TENM3: variants seen among roughly 807,000 people sequenced by gnomAD.
TENM3 encodes teneurin-3.
Under a neutral mutation model 255.1 loss-of-function variants are expected in TENM3, and 63 were observed. That is an observed-to-expected ratio of 0.25 (90% CI 0.20 to 0.30). The LOEUF (loss-of-function observed/expected upper bound fraction) is 0.30, where lower values mean the gene tolerates loss of function less well. Among genes scored for constraint, TENM3 ranks in the 10% least tolerant of loss-of-function variants. The pLI, the probability that TENM3 is intolerant of heterozygous loss-of-function variation, is 1.00. For synonymous variants in TENM3, 1,306 were observed against 1,322.3 expected (o/e 0.99, Z 0.27); for missense variants, 2,929 against 3,461.1 (o/e 0.85, Z 3.86).
At chr4:181,526,006 C>T in the TENM3 span, among the ~76,000 whole-genome samples, 1 of 152,106 alleles carries the variant, frequency 6.6e-6, no homozygotes. Flanking sequence ...GAGAGAAGCA[C>T]GTTTTCTAGA....
chr4:182,750,991 ACAGT>A (rs1762329917), intron 19 of TENM3, among the ~76,000 whole-genome samples: 1 of 152,216 alleles, frequency 6.6e-6, no homozygotes, highest in Non-Finnish European at 1.5e-5. Flanking sequence ...CCCCTCCTTA[ACAGT>A]GTTGGGCTTA....
chr4:181,474,015 G>T, the TENM3 span, among the ~76,000 whole-genome samples: 2 of 151,698 alleles, frequency 1.3e-5, no homozygotes, highest in Non-Finnish European at 2.9e-5. Context: ...AATACATTTT[G>T]CCAGTTAATA....
chr4:181,913,547 G>T, the TENM3 span, among the ~76,000 whole-genome samples: 1 of 152,206 alleles, frequency 6.6e-6, no homozygotes, highest in East Asian at 1.9e-4. Context: ...ATTCCAAATG[G>T]CTATTTTAAA....
intron 13 of TENM3, among the ~76,000 whole-genome samples, chr4:182,715,652 C>G (rs1759097770): frequency 6.6e-6 from 1 of 152,042 alleles, no homozygotes; most frequent in South Asian, 2.1e-4. Context: ...GATTGAATAG[C>G]CTTTGCCTTT....
the TENM3 span, among the ~76,000 whole-genome samples, chr4:181,885,350 C>G: frequency 6.6e-6 from 1 of 152,228 alleles, no homozygotes; most frequent in African/African-American, 2.4e-5. Flanking sequence ...GCAACCTCCT[C>G]CTCCCGGGTT....
At chr4:181,621,590 C>G in the TENM3 span, among the ~76,000 whole-genome samples, 1 of 152,258 alleles carries the variant, frequency 6.6e-6, no homozygotes, top group Middle Eastern at 3.4e-3. Flanking sequence ...GTCGATAACT[C>G]CTTTTACAAT....
intron 3 of TENM3, among the ~76,000 whole-genome samples, chr4:182,474,385 G>A (rs1011991303): frequency 7.1e-5 from 10 of 140,518 alleles, no homozygotes; most frequent in African/African-American, 2.2e-4. Context: ...ATGAGTGAGT[G>A]TAATTCAGCT....
At chr4:182,073,327 A>G in the TENM3 span, among the ~76,000 whole-genome samples, 168 of 152,274 alleles carry the variant, frequency 1.1e-3, no homozygotes, top group South Asian at 1.9e-3. Flanking sequence ...TCCCTCCCAC[A>G]ACATGTGGGG....
At chr4:181,508,511 G>A in the TENM3 span, among the ~76,000 whole-genome samples, 1 of 152,182 alleles carries the variant, frequency 6.6e-6, no homozygotes, top group Non-Finnish European at 1.5e-5. Context: ...GGAAAGAAAT[G>A]AATTATTTAT....
chr4:181,531,597 G>A, the TENM3 span, among the ~76,000 whole-genome samples: 2 of 152,166 alleles, frequency 1.3e-5, no homozygotes, highest in Non-Finnish European at 2.9e-5. Context: ...AAAGCTCTGG[G>A]AATACAGCAA....
At chr4:181,974,840 A>G in the TENM3 span, among the ~76,000 whole-genome samples, 265 of 152,292 alleles carry the variant, frequency 1.7e-3, 1 homozygote, top group Middle Eastern at 6.8e-3. Flanking sequence ...TGGGTATTAC[A>G]TATGTAATGG....
At chr4:181,825,146 T>C in the TENM3 span, among the ~76,000 whole-genome samples, 1 of 152,184 alleles carries the variant, frequency 6.6e-6, no homozygotes, top group African/African-American at 2.4e-5. Flanking sequence ...CTCACGCCGA[T>C]AATCCCAGCA....
chr4:182,404,267 T>C (rs1364791297), intron 3 of TENM3, among the ~76,000 whole-genome samples: 1 of 152,192 alleles, frequency 6.6e-6, no homozygotes, highest in Non-Finnish European at 1.5e-5. Flanking sequence ...GTAACCTAAA[T>C]GTGAAAAATC....
At chr4:181,685,691 T>G in the TENM3 span, among the ~76,000 whole-genome samples, 6 of 152,196 alleles carry the variant, frequency 3.9e-5, no homozygotes, top group African/African-American at 1.4e-4. Flanking sequence ...AAAGGACGGA[T>G]GGGCACCCTG....
At chr4:182,397,619 C>T (rs1580409918) in intron 3 of TENM3, among the ~76,000 whole-genome samples, 1 of 152,098 alleles carries the variant, frequency 6.6e-6, no homozygotes, top group East Asian at 1.9e-4. Flanking sequence ...ATCACACTTA[C>T]CGGGGCTACT....
chr4:182,013,797 A>T, the TENM3 span, among the ~76,000 whole-genome samples: 8 of 151,844 alleles, frequency 5.3e-5, no homozygotes, highest in Non-Finnish European at 1.0e-4. Context: ...CTCTGTGAGT[A>T]AAGTACTCTC....
the TENM3 span, among the ~76,000 whole-genome samples, chr4:181,838,893 T>G: frequency 6.6e-6 from 1 of 151,910 alleles, no homozygotes; most frequent in Admixed American, 6.5e-5. Context: ...CTCTTTATTG[T>G]CTGTGTTTCT....
chr4:182,153,077 C>T (rs1282196396), intron 1 of TENM3, among the ~76,000 whole-genome samples: 1 of 151,718 alleles, frequency 6.6e-6, no homozygotes, highest in African/African-American at 2.4e-5. Context: ...GACTTCAGAT[C>T]TTTCTTTATA....
chr4:182,393,567 T>C (rs1450433840), intron 3 of TENM3, among the ~76,000 whole-genome samples: 5 of 152,230 alleles, frequency 3.3e-5, no homozygotes, highest in African/African-American at 4.8e-5. Flanking sequence ...AATTTCATAA[T>C]AAATGCAATA....
Sources: allele counts gnomAD v4.1 joint callset (sites outside exome capture counted in the v4.1 genomes callset), GRCh38; gene constraint gnomAD v4.1.1; transcripts MANE v1.5; gene names NCBI Gene and HGNC (gene_info 2026-07-23, HGNC 2026-07-21).